Variants in DHRS4 observed in about 807,000 individuals in gnomAD.
DHRS4 encodes dehydrogenase/reductase 4.
DHRS4 carries 20 observed loss-of-function variants against 28.4 expected under a neutral mutation model. That is an observed-to-expected ratio of 0.71 (90% CI 0.50 to 1.02). DHRS4 has a LOEUF of 1.02. Among genes scored for constraint, DHRS4 ranks in the 50% least tolerant of loss-of-function variants. The pLI is 0.00. For synonymous variants in DHRS4, 144 were observed against 146.4 expected, an observed-to-expected ratio of 0.98 and a Z score of 0.12; for missense variants, 378 against 367.2, an observed-to-expected ratio of 1.03 and a Z score of -0.24.
At chr14:23,961,544 T>TTC (rs371410675) in intron 3 of DHRS4, among the ~76,000 whole-genome samples, 276 of 123,394 alleles carry the variant, frequency 2.2e-3, no homozygotes, top group African/African-American at 9.1e-3. Flanking sequence ...TTTTTTTTTT[T>TTC]CCCTCGCTGT....
intron 2 of DHRS4, among the ~76,000 whole-genome samples, chr14:23,958,568 A>G (rs2138441783): frequency 6.6e-6 from 1 of 152,336 alleles, no homozygotes; most frequent in Admixed American, 6.5e-5. Flanking sequence ...TCTCAATTTA[A>G]ATTTCAGTTT....
rs753113781 is a variant in DHRS4, at chr14:23,966,423, G to A, written c.666+6G>A. The A allele has an allele frequency of 1.9e-6, 3 of 1,613,560 alleles. No homozygotes were observed. In the South Asian group the frequency reaches 3.3e-5, roughly 18 times the overall value. ...AGACTAGCTTCAGCAGGATGGTGAG[G>A]AAGGGGAGCTTTGCATTTGACTGGG... On this transcript the variant is annotated splice_donor_region_variant and intron_variant, in intron 6 of 7. Coordinates refer to ENST00000313250, the MANE Select transcript of DHRS4 (RefSeq NM_021004.4).
intron 2 of DHRS4, among the ~76,000 whole-genome samples, chr14:23,956,878 C>G (rs1376685228): frequency 7.2e-5 from 11 of 152,172 alleles, no homozygotes; most frequent in Non-Finnish European, 1.5e-5. Context: ...GCTGGGATTA[C>G]AGGCGTGAGC....
intron 2 of DHRS4, among the ~76,000 whole-genome samples, chr14:23,957,464 A>G (rs1210890110): frequency 6.6e-6 from 1 of 151,942 alleles, no homozygotes; most frequent in African/African-American, 2.4e-5. Context: ...ATTTTTTCTT[A>G]AAAATGTATA....
At chr14:23,960,356 C>A (rs1476694706) in intron 3 of DHRS4, among the ~76,000 whole-genome samples, 2 of 152,056 alleles carry the variant, frequency 1.3e-5, no homozygotes, top group Non-Finnish European at 2.9e-5. Flanking sequence ...AATTTACACA[C>A]CCACCTGTCC....
Position 23,959,204 on chromosome 14 carries a change from G to A in DHRS4, c.307-698G>A, listed in dbSNP as rs533720746. ...GAGAATGAAGGAGCTTCCCAAAGGG[G>A]AAGTGTAAAGAAAAGAGCGTCAGAG... On this transcript the variant is annotated intron_variant, in intron 2 of 7. Transcript: ENST00000313250. Among the ~76,000 whole-genome samples the A allele has an allele frequency of 2.8e-4, 43 of 152,258 alleles. 1 individual carries two copies. In the Middle Eastern group the frequency reaches 0.01, roughly 36 times the overall value.
chr14:23,959,322 C>A (rs1256548578), intron 2 of DHRS4, among the ~76,000 whole-genome samples: 1 of 152,174 alleles, frequency 6.6e-6, no homozygotes, highest in Non-Finnish European at 1.5e-5. Context: ...CTTTAGGATA[C>A]TGAGGCAGGT....
intron 3 of DHRS4, among the ~76,000 whole-genome samples, chr14:23,961,212 A>G (rs1173456928): frequency 6.6e-6 from 1 of 150,478 alleles, no homozygotes; most frequent in Admixed American, 6.6e-5. Context: ...AGGTTGCCAA[A>G]ATACTATGAT....
chr14:23,955,007 A>G (rs1218014808), intron 1 of DHRS4, 28 bp from the exon 2 acceptor site: 5 of 1,613,786 alleles, frequency 3.1e-6, no homozygotes, highest in Admixed American at 1.7e-5. Context: ...CACAGGCCTT[A>G]GCAGTCTTTG....
rs2033663595 is a variant in DHRS4 at position 23,967,195 on chromosome 14, T to C, written c.667-16T>C. ...AAGAAAAAAAAAACATAAAGAGATT[T>C]CCCTTCTTCCTGCAGCTCTGGATGG... On this transcript the variant is annotated splice_polypyrimidine_tract_variant and intron_variant, in intron 6 of 7. Coordinates refer to ENST00000313250, the MANE Select transcript of DHRS4 (RefSeq NM_021004.4). 1.9e-6 allele frequency: 3 copies of C among 1,604,102 alleles called. No individual in the cohort carries two copies. The highest frequency in any genetic ancestry group is 1.4e-5 in the African/African-American group (1 of 73,904).
At chr14:23,967,358 G>C in intron 7 of DHRS4, 92 bp downstream of exon 7, 1 of 1,423,648 alleles carries the variant, frequency 7.0e-7, no homozygotes. Context: ...CAGTCCCACA[G>C]ATAACACAGG....
At chr14:23,954,028 C>A in intron 1 of DHRS4, 112 bp downstream of exon 1, 3 of 1,472,990 alleles carry the variant, frequency 2.0e-6, no homozygotes, top group Non-Finnish European at 2.7e-6. Context: ...CTGCCAAAGT[C>A]TGGCCCTGGA....
At chr14:23,965,139 G>T (rs1311615932) in intron 3 of DHRS4, among the ~76,000 whole-genome samples, 28 of 149,336 alleles carry the variant, frequency 1.9e-4, no homozygotes, top group Admixed American at 1.6e-3. Context: ...CAGTTGTCTA[G>T]AACAGTGTAA....
chr14:23,955,043 T>G lies in DHRS4; in HGVS notation c.137T>G (p.Phe46Cys). ...LVTASTDGIG[F>C]AIARRLAQDG... ...TCTCTTTCTGCTCACAGGATCGGCT[T>G]CGCCATCGCCCGGCGTTTGGCCCAG... The change falls in exon 2 of 8, where the codon TTC (phenylalanine) becomes TGC (cysteine). Residue 46 changes from phenylalanine to cysteine, a missense_variant. Coordinates refer to ENST00000313250, the MANE Select transcript of DHRS4 (RefSeq NM_021004.4). 6.2e-7 allele frequency: 1 copy of G among 1,614,160 alleles called. No individual in the cohort carries two copies. The highest frequency in any genetic ancestry group is 8.5e-7 in the Non-Finnish European group (1 of 1,179,986).
At chr14:23,960,033 G>GGT in intron 3 of DHRS4, 30 bp downstream of exon 3, 1 of 1,594,660 alleles carries the variant, frequency 6.3e-7, no homozygotes, top group African/African-American at 1.4e-5. Context: ...GGGGGGCCGG[G>GGT]GGGGGCGCCT....
At chr14:23,953,990 C>T (rs1378719852) in intron 1 of DHRS4, 74 bp downstream of exon 1, 7 of 1,535,518 alleles carry the variant, frequency 4.6e-6, no homozygotes, top group African/African-American at 1.4e-5. Flanking sequence ...CCTCGGCCTC[C>T]GGTGCCCCTG....
intron 3 of DHRS4, among the ~76,000 whole-genome samples, chr14:23,964,876 C>A (rs2033560542): frequency 6.6e-6 from 1 of 150,840 alleles, no homozygotes; most frequent in African/African-American, 2.4e-5. Context: ...CATGCCCAGC[C>A]CTGAGTTTGT....
chr14:23,953,785 A>C lies in DHRS4; in HGVS notation c.-4A>C. 1 of 1,613,976 alleles carries C rather than the reference A, an allele frequency of 6.2e-7. No homozygotes were observed. Among genetic ancestry groups the C allele is most frequent in the Non-Finnish European group, 8.5e-7 (1 of 1,179,952 alleles). On this transcript the variant is annotated 5_prime_UTR_variant, in exon 1 of 8. Transcript: ENST00000313250. ...AGTGGAACCCATACTTGCTGGTCTGATCCATGCACAAGGCGGGGCTGCTAG... is the reference window on the plus strand; with the variant it reads ...AGTGGAACCCATACTTGCTGGTCTGCTCCATGCACAAGGCGGGGCTGCTAG...
intron 2 of DHRS4, among the ~76,000 whole-genome samples, chr14:23,958,084 G>C (rs2033248455): frequency 6.6e-6 from 1 of 151,976 alleles, no homozygotes; most frequent in Non-Finnish European, 1.5e-5. Flanking sequence ...AAGTCCATTG[G>C]TGAGACTTAC....
Sources: gnomAD v4.1 joint callset for allele counts (sites outside exome capture counted in the v4.1 genomes callset) on GRCh38, gnomAD v4.1.1 for gene constraint, MANE v1.5 for transcripts, NCBI Gene and HGNC (gene_info 2026-07-23, HGNC 2026-07-21) for gene names.